Variants in AP3S1 observed in about 807,000 individuals in gnomAD.
AP3S1 encodes the protein AP-3 complex subunit sigma-1.
Under a neutral mutation model 21.3 loss-of-function variants are expected in AP3S1, and 12 were observed. The ratio of observed to expected loss-of-function variants is 0.56; its 90% CI spans 0.36 to 0.91. The LOEUF (loss-of-function observed/expected upper bound fraction) is 0.91, where lower values mean the gene tolerates loss of function less well. Among genes scored for constraint, AP3S1 ranks in the 40% least tolerant of loss-of-function variants. The probability of loss-of-function intolerance (pLI) is 0.01; values close to 1 mark genes in which losing one functional copy is unlikely to be tolerated. For synonymous variants in AP3S1, 48 were observed against 78.4 expected, an observed-to-expected ratio of 0.61 and a Z score of 2.05; for missense variants, 116 against 225.0, an observed-to-expected ratio of 0.52 and a Z score of 3.10.
At chr5:115,856,911 T>C (rs1485132272) in intron 1 of AP3S1, among the ~76,000 whole-genome samples, 1 of 152,202 alleles carries the variant, frequency 6.6e-6, no homozygotes, top group African/African-American at 2.4e-5. Flanking sequence ...AACTTATTCC[T>C]CCAGTCTGAC....
chr5:115,857,001 C>T (rs1484240818), intron 1 of AP3S1, among the ~76,000 whole-genome samples: 3 of 152,162 alleles, frequency 2.0e-5, no homozygotes, highest in African/African-American at 4.8e-5. Context: ...CTGGTAACCA[C>T]CGCTACTGAT....
In AP3S1 at chr5:115,895,970, G is replaced by A. The variant is rs188265649; in HGVS notation, c.345+812G>A. 5.5e-4 allele frequency among the ~76,000 whole-genome samples: 84 copies of A among 152,264 alleles called. No homozygotes were observed. The South Asian group carries it at 0.016, about 29-fold the overall frequency. On this transcript the variant is annotated intron_variant, in intron 4 of 5. Coordinates refer to ENST00000316788, the MANE Select transcript of AP3S1 (RefSeq NM_001284.4). ...TAGATATTTGTGATACGGAACTTAG[G>A]AGGAAGAGATTCCACTTTCACTATG...
At chr5:115,864,326 G>A (rs1292400576) in intron 1 of AP3S1, among the ~76,000 whole-genome samples, 1 of 152,006 alleles carries the variant, frequency 6.6e-6, no homozygotes, top group African/African-American at 2.4e-5. Flanking sequence ...TTTTGATATT[G>A]GACAATCCCC....
chr5:115,873,684 T>G (rs765372052), intron 3 of AP3S1, among the ~76,000 whole-genome samples: 1 of 152,284 alleles, frequency 6.6e-6, no homozygotes, highest in Admixed American at 6.5e-5. Context: ...CATAGCTTAT[T>G]ATTTCTGCTT....
At chr5:115,855,090 G>A (rs1038056466) in intron 1 of AP3S1, among the ~76,000 whole-genome samples, 9 of 151,812 alleles carry the variant, frequency 5.9e-5, no homozygotes, top group Non-Finnish European at 1.3e-4. Flanking sequence ...AGGCTGGAGT[G>A]CAGTGGTGCA....
At chr5:115,849,994 C>A (rs1450094436) in intron 1 of AP3S1, among the ~76,000 whole-genome samples, 1 of 152,146 alleles carries the variant, frequency 6.6e-6, no homozygotes, top group East Asian at 1.9e-4. Context: ...CGTAAGTCAC[C>A]TGTGAAGTAA....
intron 1 of AP3S1, among the ~76,000 whole-genome samples, chr5:115,865,641 T>G (rs552125659): frequency 6.6e-6 from 1 of 152,328 alleles, no homozygotes; most frequent in East Asian, 1.9e-4. Context: ...GCTGATATGG[T>G]ACATGTGGAG....
intron 1 of AP3S1, among the ~76,000 whole-genome samples, chr5:115,851,322 C>T (rs1762424035): frequency 6.6e-6 from 1 of 152,076 alleles, no homozygotes; most frequent in South Asian, 2.1e-4. Context: ...CCTGCTTTTA[C>T]TTTTTATAGG....
intron 3 of AP3S1, among the ~76,000 whole-genome samples, chr5:115,886,133 A>G (rs1390042785): frequency 6.6e-6 from 1 of 152,184 alleles, no homozygotes; most frequent in Admixed American, 6.6e-5. Context: ...CTCTTCTGCA[A>G]ATGGTTGATG....
chr5:115,861,158 A>C (rs922474647), intron 1 of AP3S1, among the ~76,000 whole-genome samples: 9 of 152,192 alleles, frequency 5.9e-5, no homozygotes, highest in African/African-American at 2.2e-4. Context: ...AAAAGGGACT[A>C]ATTTTAATTG....
intron 1 of AP3S1, among the ~76,000 whole-genome samples, chr5:115,865,635 A>C (rs1297280031): frequency 6.6e-6 from 1 of 152,136 alleles, no homozygotes; most frequent in Non-Finnish European, 1.5e-5. Flanking sequence ...ACTTTTGCTG[A>C]TATGGTACAT....
At chr5:115,864,937 A>G (rs772915808) in intron 1 of AP3S1, among the ~76,000 whole-genome samples, 4 of 152,230 alleles carry the variant, frequency 2.6e-5, no homozygotes, top group Admixed American at 6.5e-5. Context: ...TTTTAATGAC[A>G]TGGACCCTTC....
intron 1 of AP3S1, among the ~76,000 whole-genome samples, chr5:115,855,876 A>G (rs1580627388): frequency 1.3e-5 from 2 of 152,106 alleles, no homozygotes; most frequent in Middle Eastern, 6.8e-3. Context: ...TGAGGATGGG[A>G]GATGACATTG....
intron 3 of AP3S1, among the ~76,000 whole-genome samples, chr5:115,884,983 C>T (rs1749655921): frequency 6.6e-6 from 1 of 152,144 alleles, no homozygotes; most frequent in Non-Finnish European, 1.5e-5. Context: ...GAAATCATAG[C>T]CATATAACTT....
intron 1 of AP3S1, among the ~76,000 whole-genome samples, chr5:115,843,211 G>A (rs968676932): frequency 3.9e-5 from 6 of 152,192 alleles, no homozygotes; most frequent in African/African-American, 1.4e-4. Flanking sequence ...AGCAAGAAAT[G>A]AGCTTTCAAT....
At chr5:115,859,367 A>G (rs1763013213) in intron 1 of AP3S1, among the ~76,000 whole-genome samples, 1 of 152,230 alleles carries the variant, frequency 6.6e-6, no homozygotes, top group Non-Finnish European at 1.5e-5. Context: ...GAACTTCTAC[A>G]TCTAGTTAGC....
Position 115,841,971 on chromosome 5 carries a change from G to GAGGT in AP3S1, c.-64_-63insTAGG. ...GGGGAAGGATCGCAGGCGAGATTAC[G>GAGGT]AGGCGAGGCTCGCGCGCCCGCCCCC... On this transcript the variant is annotated 5_prime_UTR_variant, in exon 1 of 6. Transcript: ENST00000316788. 7.2e-7 allele frequency: 1 copy of GAGGT among 1,394,396 alleles called. No homozygotes were observed. The highest frequency in any genetic ancestry group is 3.2e-5 in the East Asian group (1 of 31,522). The allele number at this position is 1,394,396 out of a possible 1,614,324, so 86.4% of individuals were successfully genotyped here. A position where few individuals can be genotyped will look rare whatever the true frequency, so the allele number is the denominator to read the frequency against.
chr5:115,888,451 T>C (rs1283789958), intron 3 of AP3S1, among the ~76,000 whole-genome samples: 1 of 152,146 alleles, frequency 6.6e-6, no homozygotes, highest in Non-Finnish European at 1.5e-5. Flanking sequence ...TCTGATGATA[T>C]TAAATAATTT....
chr5:115,913,202 G>A (rs1030214304), intron 5 of AP3S1, among the ~76,000 whole-genome samples, 160 bp from the exon 6 acceptor site: 14 of 152,058 alleles, frequency 9.2e-5, no homozygotes, highest in African/African-American at 3.4e-4. Flanking sequence ...TTATAGATTA[G>A]TATTTCAAAG....
Sources: allele counts gnomAD v4.1 joint callset (sites outside exome capture counted in the v4.1 genomes callset), GRCh38; gene constraint gnomAD v4.1.1; transcripts MANE v1.5; gene names NCBI Gene and HGNC (gene_info 2026-07-23, HGNC 2026-07-21).